DKK2: variants seen among roughly 807,000 people sequenced by gnomAD.
DKK2 encodes dickkopf-related protein 2.
A neutral mutation model predicts 28.1 loss-of-function variants in DKK2; 11 were observed. The observed-to-expected ratio is 0.39, with a 90% CI of 0.25 to 0.65. DKK2 has a LOEUF of 0.65. Among genes scored for constraint, DKK2 ranks in the 30% least tolerant of loss-of-function variants. The pLI is 0.47. For missense variants in DKK2, 326 were observed against 335.5 expected (o/e 0.97, Z 0.22); for synonymous variants, 135 against 126.5 (o/e 1.07, Z -0.45).
intron 2 of DKK2, 35 bp downstream of exon 2, chr4:106,925,764 A>G (rs906180886): frequency 6.3e-7 from 1 of 1,578,842 alleles, no homozygotes; most frequent in South Asian, 1.2e-5. Flanking sequence ...TGATGAAAAG[A>G]AAGAGGCCCA....
At chr4:107,030,395 G>A (rs1001956366) in intron 1 of DKK2, among the ~76,000 whole-genome samples, 53 of 151,988 alleles carry the variant, frequency 3.5e-4, no homozygotes, top group Middle Eastern at 6.8e-3. Context: ...ATCTTAAAGC[G>A]ATGCTACATA....
intron 1 of DKK2, among the ~76,000 whole-genome samples, chr4:107,019,041 C>T (rs1409358999): frequency 6.6e-6 from 1 of 151,920 alleles, no homozygotes; most frequent in Non-Finnish European, 1.5e-5. Context: ...AGATTTACAA[C>T]CTGCTCCTCT....
At chr4:107,027,756 A>ATTTTTTTTT (rs71590176) in intron 1 of DKK2, among the ~76,000 whole-genome samples, 34 of 135,320 alleles carry the variant, frequency 2.5e-4, no homozygotes, top group African/African-American at 7.7e-4. Context: ...ACCTATTATG[A>ATTTTTTTTT]TTTTTTTTTT....
In DKK2 at chr4:107,013,201, G is replaced by A. The variant is rs184271794; in HGVS notation, c.222+22169C>T. ...AGGAAACGATCCTAAAACTTGTATA[G>A]AACCACAAAGGATCCTGAATAGACA... On this transcript the variant is annotated intron_variant, in intron 1 of 3. Coordinates refer to ENST00000285311, the MANE Select transcript of DKK2 (RefSeq NM_014421.3). Among the ~76,000 whole-genome samples, 246 of 151,248 alleles carry A rather than the reference G, an allele frequency of 1.6e-3. 3 individuals are homozygous for A. The highest frequency in any genetic ancestry group is 5.8e-3 in the African/African-American group (242 of 41,430).
At chr4:107,024,190 A>ATTT (rs1374692830) in intron 1 of DKK2, among the ~76,000 whole-genome samples, 1 of 152,128 alleles carries the variant, frequency 6.6e-6, no homozygotes, top group Admixed American at 6.6e-5. Flanking sequence ...CCTTAAAAAT[A>ATTT]TACTGATATC....
intron 1 of DKK2, among the ~76,000 whole-genome samples, chr4:106,956,514 A>G (rs1487102509): frequency 2.6e-5 from 4 of 152,250 alleles, no homozygotes; most frequent in African/African-American, 9.6e-5. Context: ...CTACAAGGCT[A>G]CAGTAACCAA....
chr4:106,973,593 C>T (rs568907824), intron 1 of DKK2, among the ~76,000 whole-genome samples: 12 of 151,842 alleles, frequency 7.9e-5, no homozygotes, highest in Non-Finnish European at 1.5e-4. Context: ...TTGTTTTTTT[C>T]TTGTAAATTT....
chr4:106,935,751 G>T (rs570583826), intron 1 of DKK2, among the ~76,000 whole-genome samples: 2,839 of 152,288 alleles, frequency 0.019, 40 homozygotes, highest in South Asian at 0.032. Context: ...GGTTCTCCCA[G>T]CACGCAGCTG....
intron 1 of DKK2, among the ~76,000 whole-genome samples, chr4:107,008,281 G>A (rs981620626): frequency 6.6e-6 from 1 of 151,992 alleles, no homozygotes; most frequent in Non-Finnish European, 1.5e-5. Context: ...CTAGACATTG[G>A]GTGTATGATG....
At chr4:106,936,915 C>T (rs1578348404) in intron 1 of DKK2, among the ~76,000 whole-genome samples, 1 of 151,666 alleles carries the variant, frequency 6.6e-6, no homozygotes, top group Non-Finnish European at 1.5e-5. Context: ...CAAGCAAATG[C>T]TGAGAGATTT....
At chr4:106,960,129 TATAC>T (rs1722663809) in intron 1 of DKK2, among the ~76,000 whole-genome samples, 1 of 149,826 alleles carries the variant, frequency 6.7e-6, no homozygotes, top group Non-Finnish European at 1.5e-5. Flanking sequence ...TATATATATA[TATAC>T]ACACACACAT....
chr4:106,944,902 C>T (rs1335815663), intron 1 of DKK2, among the ~76,000 whole-genome samples: 4 of 152,104 alleles, frequency 2.6e-5, no homozygotes, highest in Admixed American at 1.3e-4. Context: ...CTGACTATAA[C>T]ATTTCCTAGG....
In DKK2 at chr4:106,923,417, A is replaced by G. The variant is rs1265933910; in HGVS notation, c.*537T>C. 3 of 152,820 alleles carry G rather than the reference A, an allele frequency of 2.0e-5. No individual in the cohort carries two copies. The highest frequency in any genetic ancestry group is 7.2e-5 in the African/African-American group (3 of 41,460). 9.5% of individuals were successfully genotyped at this position (152,820 alleles called of 1,614,324 possible). On this transcript the variant is annotated 3_prime_UTR_variant, in exon 4 of 4. Coordinates refer to ENST00000285311, the MANE Select transcript of DKK2 (RefSeq NM_014421.3). ...CTACCAAGACTCTTGATTGAACAGC[A>G]GAAGTAGTGTTACAAATCAAAAGGT... is the stretch of plus-strand genomic sequence containing the variant.
chr4:106,991,155 T>C (rs963124276), intron 1 of DKK2, among the ~76,000 whole-genome samples: 19 of 152,330 alleles, frequency 1.2e-4, no homozygotes, highest in Middle Eastern at 3.4e-3. Context: ...ATATCAATAA[T>C]GTAATTATTC....
intron 1 of DKK2, among the ~76,000 whole-genome samples, chr4:107,020,681 C>A (rs916681027): frequency 2.0e-5 from 3 of 151,928 alleles, no homozygotes; most frequent in African/African-American, 7.3e-5. Context: ...AAGCCATGCA[C>A]AGAAAGACAA....
At chr4:106,948,317 G>T (rs536087979) in intron 1 of DKK2, among the ~76,000 whole-genome samples, 8 of 152,242 alleles carry the variant, frequency 5.3e-5, no homozygotes, top group African/African-American at 1.9e-4. Flanking sequence ...TCTGTGTGGG[G>T]CCTGAAAATC....
At chr4:107,013,775 A>T (rs1368187747) in intron 1 of DKK2, among the ~76,000 whole-genome samples, 1 of 151,528 alleles carries the variant, frequency 6.6e-6, no homozygotes, top group African/African-American at 2.4e-5. Context: ...GGGATAAAAT[A>T]TGTGCAAACT....
intron 1 of DKK2, 96 bp downstream of exon 1, chr4:107,035,274 G>T: frequency 7.1e-7 from 1 of 1,400,898 alleles, no homozygotes; most frequent in Non-Finnish European, 9.9e-7. Context: ...CTGGGGCCAC[G>T]CTCCGAATGT....
At chr4:107,017,250 G>T (rs960099530) in intron 1 of DKK2, among the ~76,000 whole-genome samples, 2 of 151,862 alleles carry the variant, frequency 1.3e-5, no homozygotes, top group Non-Finnish European at 2.9e-5. Flanking sequence ...TCAATATATG[G>T]TTCATTTTAG....
Sources: gnomAD v4.1 joint callset for allele counts (sites outside exome capture counted in the v4.1 genomes callset) on GRCh38, gnomAD v4.1.1 for gene constraint, MANE v1.5 for transcripts, NCBI Gene and HGNC (gene_info 2026-07-23, HGNC 2026-07-21) for gene names.